Variants in PROSER2 observed in about 807,000 individuals in gnomAD.
The protein encoded by PROSER2 is proline and serine rich 2.
In PROSER2, 18 loss-of-function variants were observed where a neutral mutation model predicts 14.6. That is an observed-to-expected ratio of 1.23 (90% CI 0.85 to 1.83). The LOEUF is 1.83. Among genes scored for constraint, PROSER2 ranks in the 40% most tolerant of loss-of-function variants. PROSER2 has a pLI of 0.00. For missense variants in PROSER2, 823 were observed against 629.8 expected (o/e 1.31, Z -3.28); for synonymous variants, 367 against 286.4 (o/e 1.28, Z -2.84).
At chr10:11,834,303 CT>C (rs1316943457) in intron 1 of PROSER2, among the ~76,000 whole-genome samples, 1 of 151,416 alleles carries the variant, frequency 6.6e-6, no homozygotes, top group Non-Finnish European at 1.5e-5. Context: ...ATGAGTAGCA[CT>C]TTCATAGGAG....
chr10:11,854,029 G>A (rs1234087043), intron 2 of PROSER2, among the ~76,000 whole-genome samples: 3 of 152,130 alleles, frequency 2.0e-5, no homozygotes, highest in African/African-American at 7.2e-5. Flanking sequence ...CTCATAGGAC[G>A]CCTATAATTA....
rs1834425671 is a variant in PROSER2, at chr10:11,869,645, G to A, written c.547G>A (p.Glu183Lys). The A allele has an allele frequency of 6.2e-7, 1 of 1,601,426 alleles. No homozygotes were observed. The highest frequency in any genetic ancestry group is 8.5e-7 in the Non-Finnish European group (1 of 1,174,168). Reference sequence around the variant, plus strand: ...GCTGCGCGCCCCCTCCCCGCCGGTGGAGCACCCCAGACTCCTGCGCTCTGT... The same window carrying A: ...GCTGCGCGCCCCCTCCCCGCCGGTGAAGCACCCCAGACTCCTGCGCTCTGT... Reference protein sequence around the residue: ...RELRAPSPPVEHPRLLRSVPT... With the variant: ...RELRAPSPPVKHPRLLRSVPT... The change falls in exon 4 of 4, where the codon GAG (glutamate) becomes AAG (lysine). Residue 183 changes from glutamate to lysine, a missense_variant. Glu to Lys is a moderately conservative substitution (Grantham distance 56, BLOSUM62 1). Transcript: ENST00000277570. The surrounding 1 kb of genome is among the most constrained non-coding windows in gnomAD (Gnocchi z 4.4).
At chr10:11,854,352 G>T (rs908064246) in intron 2 of PROSER2, among the ~76,000 whole-genome samples, 27 of 152,218 alleles carry the variant, frequency 1.8e-4, no homozygotes, top group African/African-American at 6.5e-4. Flanking sequence ...CTGTCACCCA[G>T]GCTGGAGGGC....
At chr10:11,840,290 T>C (rs990875804) in intron 1 of PROSER2, among the ~76,000 whole-genome samples, 15 of 152,022 alleles carry the variant, frequency 9.9e-5, no homozygotes, top group Non-Finnish European at 2.1e-4. Flanking sequence ...AGAAAAACTC[T>C]TATTTAGTTA....
chr10:11,847,158 T>TAA (rs1564306403), intron 1 of PROSER2, among the ~76,000 whole-genome samples: 1,317 of 89,024 alleles, frequency 0.015, 11 homozygotes, highest in African/African-American at 0.042. Flanking sequence ...TAAATAAATA[T>TAA]ATATATATAT....
rs763685076 is a variant in PROSER2, at chr10:11,866,747, G to A, written c.355G>A (p.Glu119Lys). The change falls in exon 3 of 4, where the codon GAA (glutamate) becomes AAA (lysine). Residue 119 changes from glutamate to lysine, a missense_variant. By Grantham distance (56) the Glu-to-Lys change is moderately conservative. Transcript: ENST00000277570. This position sits in a 1 kb window ranked among gnomAD's most constrained non-coding sequence, Gnocchi z 6.0. ...DLVQPAPGAG[E>K]AEGLPEGTQA... ...AGTGCAGCCAGCACCTGGCGCCGGG[G>A]AAGCCGAGGGCCTTCCAGAGGGGAC... 9 of 1,613,100 alleles carry A rather than the reference G, an allele frequency of 5.6e-6. 1 individual carries two copies. In the South Asian group the frequency reaches 9.9e-5, roughly 18 times the overall value.
At chr10:11,839,921 ATTTATT>A (rs1487868410) in intron 1 of PROSER2, among the ~76,000 whole-genome samples, 4 of 150,968 alleles carry the variant, frequency 2.6e-5, no homozygotes, top group South Asian at 2.1e-4. Context: ...GTTTGCTGTC[ATTTATT>A]TTTATTTTTA....
At chr10:11,857,743 TAAAAAA>T (rs374000135) in intron 2 of PROSER2, among the ~76,000 whole-genome samples, 2 of 106,548 alleles carry the variant, frequency 1.9e-5, no homozygotes, top group Admixed American at 2.2e-4. Context: ...AGACCCCATC[TAAAAAA>T]AAAAAAAAAA....
In PROSER2 at chr10:11,869,760, G is replaced by C. The variant is rs776622148; in HGVS notation, c.662G>C (p.Arg221Pro). 2 of 1,571,834 alleles carry C rather than the reference G, an allele frequency of 1.3e-6. No homozygotes were observed. Among genetic ancestry groups the C allele is most frequent in the African/African-American group, 1.4e-5 (1 of 74,046 alleles). Residue 221 changes from arginine to proline, a missense_variant, in exon 4 of 4, where the codon CGG (arginine) becomes CCG (proline). By Grantham distance (103) the Arg-to-Pro change is moderately radical. Transcript: ENST00000277570. This position sits in a 1 kb window ranked among gnomAD's most constrained non-coding sequence, Gnocchi z 4.4. ...CCCACCTCCCCGTTCAGGGAGGGCC[G>C]GCCCGGGGAGTGGAGGACACCTGCC... is the stretch of plus-strand genomic sequence containing the variant. ...LSPTSPFREG[R>P]PGEWRTPAAR...
intron 1 of PROSER2, among the ~76,000 whole-genome samples, chr10:11,843,498 C>T (rs377368753): frequency 2.3e-4 from 35 of 151,744 alleles, no homozygotes; most frequent in East Asian, 5.9e-4. Context: ...CCATCCTGGC[C>T]AACATGGTGA....
intron 1 of PROSER2, among the ~76,000 whole-genome samples, chr10:11,840,245 G>A (rs547936190): frequency 2.0e-5 from 3 of 149,040 alleles, no homozygotes; most frequent in East Asian, 2.0e-4. Flanking sequence ...GAGCCACCAC[G>A]CTGTCCTCAT....
At chr10:11,839,624 A>G (rs1833808078) in intron 1 of PROSER2, among the ~76,000 whole-genome samples, 1 of 152,124 alleles carries the variant, frequency 6.6e-6, no homozygotes, top group Non-Finnish European at 1.5e-5. Flanking sequence ...CAGGAGTTCA[A>G]GACCAGCCTG....
intron 1 of PROSER2, among the ~76,000 whole-genome samples, chr10:11,848,766 C>G (rs1253842178): frequency 6.6e-6 from 1 of 152,230 alleles, no homozygotes; most frequent in Non-Finnish European, 1.5e-5. Context: ...TGTGCTTGAG[C>G]TGAGTTCACT....
intron 1 of PROSER2, among the ~76,000 whole-genome samples, chr10:11,848,713 G>A (rs960776699): frequency 5.9e-5 from 9 of 152,160 alleles, no homozygotes; most frequent in Admixed American, 4.6e-4. Flanking sequence ...CATCCCCCCA[G>A]TTTGCACCTC....
intron 1 of PROSER2, among the ~76,000 whole-genome samples, chr10:11,832,179 C>G (rs979988573): frequency 6.6e-6 from 1 of 152,068 alleles, no homozygotes; most frequent in Non-Finnish European, 1.5e-5. Flanking sequence ...GGTGCTAAAC[C>G]GTGACCGCAT....
At chr10:11,867,069 CCTGA>C (rs1222006674) in intron 3 of PROSER2, among the ~76,000 whole-genome samples, 5 of 151,996 alleles carry the variant, frequency 3.3e-5, no homozygotes, top group East Asian at 3.9e-4. Flanking sequence ...TTGAGACCAT[CCTGA>C]CTAACACAGT....
rs567228062 is a variant in PROSER2 at position 11,852,736 on chromosome 10, C to T, written c.138+521C>T. ...TATTTTTAGTAGAGACAGGGTTTCA[C>T]CATGTTGGCCAGGCTGATCTCGAAC... On this transcript the variant is annotated intron_variant, in intron 2 of 3. Transcript: ENST00000277570. Among the ~76,000 whole-genome samples, 14 of 144,800 alleles carry T rather than the reference C, an allele frequency of 9.7e-5. 1 individual carries two copies. In the East Asian group the frequency reaches 2.7e-3, roughly 27 times the overall value. 95.0% of individuals were successfully genotyped at this position (144,800 alleles called of 152,430 possible). A position where few individuals can be genotyped will look rare whatever the true frequency, so the allele number is the denominator to read the frequency against.
chr10:11,843,838 T>C (rs115778338), intron 1 of PROSER2, among the ~76,000 whole-genome samples: 7,857 of 151,324 alleles, frequency 0.052, 678 homozygotes, highest in African/African-American at 0.18. Context: ...GGTGATAGAG[T>C]GAAACTCCAT....
At chr10:11,861,862 C>T (rs939198505) in intron 2 of PROSER2, among the ~76,000 whole-genome samples, 2 of 151,980 alleles carry the variant, frequency 1.3e-5, no homozygotes, top group Non-Finnish European at 2.9e-5. Context: ...GAAGGGTAGG[C>T]GGAGCCATAG....
Sources: allele counts gnomAD v4.1 joint callset (sites outside exome capture counted in the v4.1 genomes callset), GRCh38; gene constraint gnomAD v4.1.1; non-coding constraint Gnocchi (gnomAD v3.1); transcripts MANE v1.5; gene names NCBI Gene and HGNC (gene_info 2026-07-23, HGNC 2026-07-21).